SCAMP2: variants seen among roughly 807,000 people sequenced by gnomAD.
The protein encoded by SCAMP2 is secretory carrier-associated membrane protein 2.
SCAMP2 carries 25 observed loss-of-function variants against 44.1 expected under a neutral mutation model. The ratio of observed to expected loss-of-function variants is 0.57; its 90% CI spans 0.41 to 0.79. The LOEUF is 0.79. Ranked by LOEUF, SCAMP2 falls within the 30% of genes least tolerant of loss-of-function variation. The probability of loss-of-function intolerance (pLI) is 0.00; values close to 1 mark genes in which losing one functional copy is unlikely to be tolerated. For synonymous variants in SCAMP2, 156 were observed against 166.0 expected (o/e 0.94, Z 0.46); for missense variants, 355 against 411.0 (o/e 0.86, Z 1.18).
chr15:74,845,212 G>T lies in SCAMP2; in HGVS notation c.861C>A (p.His287Gln). The T allele has an allele frequency of 6.2e-7, 1 of 1,612,784 alleles. No individual in the cohort carries two copies. Among genetic ancestry groups the T allele is most frequent in the Non-Finnish European group, 8.5e-7 (1 of 1,179,954 alleles). Reference protein sequence around the residue: ...VLSVFLLQRVHSLYRRTGASF... With the variant: ...VLSVFLLQRVQSLYRRTGASF... ...TGGCCCCTGTCCGTCGGTAGAGGGAGTGCACCTGGCGAAGAGGGGTGGGGT... is the reference window on the plus strand; with the variant it reads ...TGGCCCCTGTCCGTCGGTAGAGGGATTGCACCTGGCGAAGAGGGGTGGGGT... The change falls in exon 9 of 9, where the codon CAC (histidine) becomes CAA (glutamine). Residue 287 changes from histidine (H) to glutamine (Q), a missense_variant. Transcript: ENST00000268099.
At chr15:74,867,239 G>A (rs999710589) in intron 1 of SCAMP2, among the ~76,000 whole-genome samples, 1 of 152,236 alleles carries the variant, frequency 6.6e-6, no homozygotes, top group East Asian at 1.9e-4. Context: ...GCACTTGCTG[G>A]ATGGGTCACA....
chr15:74,857,065 T>C (rs192999103), intron 1 of SCAMP2, among the ~76,000 whole-genome samples: 1 of 152,342 alleles, frequency 6.6e-6, no homozygotes, highest in African/African-American at 2.4e-5. Flanking sequence ...ATATGTTCTC[T>C]GGTTTTATCA....
At chr15:74,846,735 A>G (rs1159906586) in intron 7 of SCAMP2, among the ~76,000 whole-genome samples, 1 of 152,188 alleles carries the variant, frequency 6.6e-6, no homozygotes, top group Non-Finnish European at 1.5e-5. Flanking sequence ...ACTGCACTCC[A>G]GTCTGGGCAA....
At chr15:74,845,403 C>T in intron 8 of SCAMP2, 70 bp downstream of exon 8, 1 of 1,611,602 alleles carries the variant, frequency 6.2e-7, no homozygotes, top group Admixed American at 1.7e-5. Context: ...TGAAAAACAT[C>T]TCGTGGCAAG....
chr15:74,857,184 G>A (rs912945052), intron 1 of SCAMP2, among the ~76,000 whole-genome samples: 2 of 152,168 alleles, frequency 1.3e-5, no homozygotes, highest in Admixed American at 6.6e-5. Context: ...GTGTCTGGAC[G>A]GGCCTCATAC....
At position 74,854,463 on chromosome 15, in the gene SCAMP2, C is replaced by T. The variant is rs533100624; in HGVS notation, c.126+118G>A. On this transcript the variant is annotated intron_variant, in intron 2 of 8. Coordinates refer to ENST00000268099, the MANE Select transcript of SCAMP2 (RefSeq NM_005697.5). ...CTCCCGGGTTCATGTTAGGACTGTCCCTTTGAGGACTGCCGCTTCTCAGAG... is the reference window on the plus strand; with the variant it reads ...CTCCCGGGTTCATGTTAGGACTGTCTCTTTGAGGACTGCCGCTTCTCAGAG... 9 of 854,890 alleles carry T rather than the reference C, an allele frequency of 1.1e-5. No individual in the cohort carries two copies. In the East Asian group the frequency reaches 2.4e-4, roughly 23 times the overall value. The allele number at this position is 854,890 out of a possible 1,614,324, so 53.0% of individuals were successfully genotyped here. A position where few individuals can be genotyped will look rare whatever the true frequency, so the allele number is the denominator to read the frequency against.
chr15:74,850,633 C>T lies in SCAMP2; in HGVS notation c.513G>A (p.Leu171=). 1 of 1,614,088 alleles carries T rather than the reference C, an allele frequency of 6.2e-7. No homozygotes were observed. The highest frequency in any genetic ancestry group is 2.2e-5 in the East Asian group (1 of 44,874). The change falls in exon 6 of 9, where the codon CTG becomes CTA. Residue 171 remains leucine, a synonymous_variant. Coordinates refer to ENST00000268099, the MANE Select transcript of SCAMP2 (RefSeq NM_005697.5). ...VTLFLNLLAC[L]AWFSGNSSKG... Reference sequence around the variant, plus strand: ...TGGAGCTGTTGCCCGAGAACCAGGCCAGGCAGGCAAGCAGGTTCAGAAACA... The same window carrying T: ...TGGAGCTGTTGCCCGAGAACCAGGCTAGGCAGGCAAGCAGGTTCAGAAACA...
chr15:74,869,824 G>A (rs532745585), intron 1 of SCAMP2, among the ~76,000 whole-genome samples: 1 of 152,324 alleles, frequency 6.6e-6, no homozygotes, highest in African/African-American at 2.4e-5. Context: ...GACAGTTTCT[G>A]AGTCTATCGC....
chr15:74,850,807 A>T, intron 5 of SCAMP2, 134 bp from the exon 6 acceptor site: 7 of 846,528 alleles, frequency 8.3e-6, no homozygotes, highest in Non-Finnish European at 1.3e-5. Context: ...CCCGCTCTGT[A>T]CCTAGGCAGG....
At chr15:74,871,991 G>A (rs1440737968) in intron 1 of SCAMP2, among the ~76,000 whole-genome samples, 1 of 151,834 alleles carries the variant, frequency 6.6e-6, no homozygotes, top group Non-Finnish European at 1.5e-5. Context: ...GCTGCAGTGA[G>A]CCGAGATCGC....
intron 1 of SCAMP2, 67 bp from the exon 2 acceptor site, chr15:74,854,716 C>A (rs2064457154): frequency 1.4e-6 from 2 of 1,398,906 alleles, no homozygotes; most frequent in Non-Finnish European, 9.9e-7. Context: ...GGCAGGCGAG[C>A]CGGTGACGCC....
chr15:74,871,902 G>A (rs1176345972), intron 1 of SCAMP2, among the ~76,000 whole-genome samples: 1 of 149,992 alleles, frequency 6.7e-6, no homozygotes, highest in South Asian at 2.1e-4. Context: ...AAAATTAGCC[G>A]GGTGTGGTGG....
intron 7 of SCAMP2, among the ~76,000 whole-genome samples, chr15:74,848,064 A>G (rs2064411178): frequency 6.7e-6 from 1 of 148,294 alleles, no homozygotes; most frequent in African/African-American, 2.5e-5. Context: ...AAGGGAAGAT[A>G]GTGTCTTTTT....
chr15:74,873,299 T>C lies in SCAMP2; in HGVS notation c.-44A>G, dbSNP rs1317714572. 1.4e-6 allele frequency: 2 copies of C among 1,469,444 alleles called. No individual in the cohort carries two copies. The highest frequency in any genetic ancestry group is 9.0e-7 in the Non-Finnish European group (1 of 1,114,086). The allele number at this position is 1,469,444 out of a possible 1,614,324, so 91.0% of individuals were successfully genotyped here. On this transcript the variant is annotated 5_prime_UTR_variant, in exon 1 of 9. Coordinates refer to ENST00000268099, the MANE Select transcript of SCAMP2 (RefSeq NM_005697.5). ...GGCGAACTCCGCGAACGCTGCTGCCTCCGGGCACCCAGACCCAGCGGCGCT... is the reference window on the plus strand; with the variant it reads ...GGCGAACTCCGCGAACGCTGCTGCCCCCGGGCACCCAGACCCAGCGGCGCT...
intron 2 of SCAMP2, 64 bp downstream of exon 2, chr15:74,854,517 C>T: frequency 7.4e-7 from 1 of 1,355,212 alleles, no homozygotes; most frequent in Non-Finnish European, 1.0e-6. Flanking sequence ...AGGATCCCTG[C>T]CCCGGACACC....
chr15:74,868,644 G>A (rs1695705765), intron 1 of SCAMP2, among the ~76,000 whole-genome samples: 2 of 152,206 alleles, frequency 1.3e-5, no homozygotes, highest in African/African-American at 4.8e-5. Flanking sequence ...CCAGGCTCAA[G>A]TGATCCCCCT....
chr15:74,853,114 A>C, intron 3 of SCAMP2: 1 of 295,748 alleles, frequency 3.4e-6, no homozygotes. Flanking sequence ...TGGAGAGCCA[A>C]GTTTCAGGCA....
intron 1 of SCAMP2, among the ~76,000 whole-genome samples, chr15:74,855,976 G>C (rs976914418): frequency 4.0e-5 from 6 of 151,736 alleles, no homozygotes; most frequent in African/African-American, 1.5e-4. Context: ...CCTCTTTACT[G>C]TGCCCCTGCT....
chr15:74,861,758 G>A (rs551339687), intron 1 of SCAMP2, among the ~76,000 whole-genome samples: 11 of 151,526 alleles, frequency 7.3e-5, no homozygotes, highest in South Asian at 4.2e-4. Context: ...CAAATTAGCC[G>A]GGCGTGGTGG....
Sources: allele counts gnomAD v4.1 joint callset (sites outside exome capture counted in the v4.1 genomes callset), GRCh38; gene constraint gnomAD v4.1.1; transcripts MANE v1.5; gene names NCBI Gene and HGNC (gene_info 2026-07-23, HGNC 2026-07-21).